RAMP1: variants seen among roughly 807,000 people sequenced by gnomAD.
RAMP1 encodes receptor activity-modifying protein 1.
In RAMP1, 7 loss-of-function variants were observed where a neutral mutation model predicts 8.2. The observed-to-expected ratio is 0.85, with a 90% CI of 0.49 to 1.60. The LOEUF (loss-of-function observed/expected upper bound fraction) is 1.60, where lower values mean the gene tolerates loss of function less well. RAMP1 is among the 40% of genes most tolerant of loss of function. RAMP1 has a pLI of 0.00. For missense variants in RAMP1, 192 were observed against 202.4 expected (o/e 0.95, Z 0.31); for synonymous variants, 92 against 84.7 (o/e 1.09, Z -0.47).
chr2:237,899,683 G>A (rs754225236), intron 2 of RAMP1, among the ~76,000 whole-genome samples: 2 of 152,228 alleles, frequency 1.3e-5, no homozygotes, highest in Admixed American at 6.5e-5. Context: ...GTCCGTGTGC[G>A]CATGCGTTGA....
At chr2:237,907,370 C>T (rs2062664156) in intron 2 of RAMP1, among the ~76,000 whole-genome samples, 1 of 152,078 alleles carries the variant, frequency 6.6e-6, no homozygotes. Flanking sequence ...TTTTTAAAAG[C>T]CTGAGCCATT....
chr2:237,881,746 A>G (rs1415283459), intron 2 of RAMP1, among the ~76,000 whole-genome samples: 1 of 152,128 alleles, frequency 6.6e-6, no homozygotes, highest in East Asian at 1.9e-4. Context: ...CCTATTTTCT[A>G]TCAGGTCGTT....
Position 237,862,814 on chromosome 2 carries a change from G to T in RAMP1, c.52+3087G>T, listed in dbSNP as rs529898393. Among the ~76,000 whole-genome samples, 29 of 152,240 alleles carry T rather than the reference G, an allele frequency of 1.9e-4. No homozygotes were observed. The East Asian group carries it at 5.4e-3, about 28-fold the overall frequency. ...GCCATCCAGATGGTCCCAGGGAGGAGACTGGCCGCAGGCTGGACAGTCAGT... is the reference window on the plus strand; with the variant it reads ...GCCATCCAGATGGTCCCAGGGAGGATACTGGCCGCAGGCTGGACAGTCAGT... On this transcript the variant is annotated intron_variant, in intron 1 of 2. Coordinates refer to ENST00000254661, the MANE Select transcript of RAMP1 (RefSeq NM_005855.4). The surrounding 1 kb of genome is among the most constrained non-coding windows in gnomAD (Gnocchi z 4.0).
chr2:237,904,684 C>T (rs1403889883), intron 2 of RAMP1, among the ~76,000 whole-genome samples: 1 of 152,196 alleles, frequency 6.6e-6, no homozygotes, highest in Non-Finnish European at 1.5e-5. Context: ...AATTTAGACA[C>T]ACATTGCCTG....
In RAMP1 at chr2:237,878,253, C is replaced by T; in HGVS notation, c.191+891C>T. 2 of 919,658 alleles carry T rather than the reference C, an allele frequency of 2.2e-6. No individual in the cohort carries two copies. The highest frequency in any genetic ancestry group is 2.6e-6 in the Non-Finnish European group (2 of 770,062). 57.0% of individuals were successfully genotyped at this position (919,658 alleles called of 1,614,324 possible). ...CCGATGACAAGCGCTTTCCCCAGTGCCTGAGAGAAAGGGAGCCCTGGGGAC... is the reference window on the plus strand; with the variant it reads ...CCGATGACAAGCGCTTTCCCCAGTGTCTGAGAGAAAGGGAGCCCTGGGGAC... On this transcript the variant is annotated intron_variant, in intron 2 of 2. Coordinates refer to ENST00000254661, the MANE Select transcript of RAMP1 (RefSeq NM_005855.4). The surrounding 1 kb of genome is among the most constrained non-coding windows in gnomAD (Gnocchi z 5.7).
At chr2:237,873,366 G>T (rs529671999) in intron 1 of RAMP1, among the ~76,000 whole-genome samples, 1 of 152,208 alleles carries the variant, frequency 6.6e-6, no homozygotes, top group Non-Finnish European at 1.5e-5. Flanking sequence ...TGTCTCCTTA[G>T]AAAGCCCAAA....
Position 237,865,096 on chromosome 2 carries a change from G to A in RAMP1, c.52+5369G>A, listed in dbSNP as rs1313583000. On this transcript the variant is annotated intron_variant, in intron 1 of 2. Coordinates refer to ENST00000254661, the MANE Select transcript of RAMP1 (RefSeq NM_005855.4). The surrounding 1 kb of genome is among the most constrained non-coding windows in gnomAD (Gnocchi z 4.2). ...TCAGCTGTGGCCCCCAGCATGGGCAGGAGGCCAGGCAAGGATAGGAGTGGG... is the reference window on the plus strand; with the variant it reads ...TCAGCTGTGGCCCCCAGCATGGGCAAGAGGCCAGGCAAGGATAGGAGTGGG... Among the ~76,000 whole-genome samples the A allele has an allele frequency of 6.6e-6, 1 of 152,136 alleles. No homozygotes were observed. The highest frequency in any genetic ancestry group is 1.9e-4 in the East Asian group (1 of 5,184).
At chr2:237,864,617 G>A (rs1432823349) in intron 1 of RAMP1, among the ~76,000 whole-genome samples, 1 of 152,224 alleles carries the variant, frequency 6.6e-6, no homozygotes, top group East Asian at 1.9e-4. Flanking sequence ...CCCAGGGTCA[G>A]GACTCGGAGG....
At chr2:237,872,308 T>G (rs1310165934) in intron 1 of RAMP1, among the ~76,000 whole-genome samples, 1 of 152,192 alleles carries the variant, frequency 6.6e-6, no homozygotes, top group Non-Finnish European at 1.5e-5. Flanking sequence ...AGTCGTCCAC[T>G]CAGTGACGGT....
chr2:237,903,956 C>T (rs1306574840), intron 2 of RAMP1, among the ~76,000 whole-genome samples: 1 of 152,248 alleles, frequency 6.6e-6, no homozygotes, highest in African/African-American at 2.4e-5. Flanking sequence ...CCAGGCTGCT[C>T]TCAAACTCCT....
At chr2:237,861,573 C>A (rs1344085318) in intron 1 of RAMP1, among the ~76,000 whole-genome samples, 2 of 152,136 alleles carry the variant, frequency 1.3e-5, no homozygotes, top group Non-Finnish European at 1.5e-5. Context: ...TCCGGCCAGG[C>A]ATGGTGACTC....
chr2:237,900,212 T>C (rs1169276227), intron 2 of RAMP1, among the ~76,000 whole-genome samples: 7 of 152,212 alleles, frequency 4.6e-5, no homozygotes, highest in Admixed American at 3.3e-4. Flanking sequence ...CAGGCTGGAG[T>C]GCAGTGGCAC....
intron 2 of RAMP1, among the ~76,000 whole-genome samples, chr2:237,883,864 C>A (rs1241858955): frequency 1.3e-5 from 2 of 149,508 alleles, no homozygotes; most frequent in Non-Finnish European, 3.0e-5. Flanking sequence ...GAGGCTCCTC[C>A]TCTGCACAGG....
At chr2:237,867,133 G>T (rs1420601989) in intron 1 of RAMP1, among the ~76,000 whole-genome samples, 1 of 152,194 alleles carries the variant, frequency 6.6e-6, no homozygotes, top group African/African-American at 2.4e-5. Flanking sequence ...ATTTTGGGAG[G>T]CCAAGGTGGG....
intron 1 of RAMP1, among the ~76,000 whole-genome samples, chr2:237,868,264 G>A (rs1037493038): frequency 9.9e-5 from 15 of 152,052 alleles, no homozygotes; most frequent in African/African-American, 2.7e-4. Context: ...GGCTGCTCTC[G>A]AACTCCTGGC....
intron 1 of RAMP1, among the ~76,000 whole-genome samples, chr2:237,864,062 C>T (rs1379126240): frequency 6.6e-6 from 1 of 152,170 alleles, no homozygotes; most frequent in Non-Finnish European, 1.5e-5. Context: ...TGTTCAGGCC[C>T]CCAGGCCTTG....
chr2:237,880,013 CAAGAT>C (rs963949169), intron 2 of RAMP1, among the ~76,000 whole-genome samples: 20 of 109,654 alleles, frequency 1.8e-4, no homozygotes, highest in Admixed American at 1.6e-3. Context: ...AAAAAAAAAT[CAAGAT>C]AATTTAGGAA....
chr2:237,906,529 T>G (rs901977302), intron 2 of RAMP1, among the ~76,000 whole-genome samples: 1 of 152,094 alleles, frequency 6.6e-6, no homozygotes, highest in African/African-American at 2.4e-5. Flanking sequence ...CTTTCTAGAT[T>G]AAATATAAGG....
In RAMP1 at chr2:237,872,697, CTG is replaced by C. The variant is rs2062259229; in HGVS notation, c.53-4525_53-4524del. Among the ~76,000 whole-genome samples the C allele has an allele frequency of 2.0e-5, 3 of 152,226 alleles. No homozygotes were observed. The South Asian group carries it at 6.2e-4, about 32-fold the overall frequency. On this transcript the variant is annotated intron_variant, in intron 1 of 2. Coordinates refer to ENST00000254661, the MANE Select transcript of RAMP1 (RefSeq NM_005855.4). Reference sequence around the variant, plus strand: ...GGCTACTTAACCTGTCTGAGCCCCTCTGTCCCTGCCATGATGGTTATTTGCAA... The same window carrying C: ...GGCTACTTAACCTGTCTGAGCCCCTCTCCCTGCCATGATGGTTATTTGCAA...
Sources: allele counts gnomAD v4.1 joint callset (sites outside exome capture counted in the v4.1 genomes callset), GRCh38; gene constraint gnomAD v4.1.1; non-coding constraint Gnocchi (gnomAD v3.1); transcripts MANE v1.5; gene names NCBI Gene and HGNC (gene_info 2026-07-23, HGNC 2026-07-21).